The following SDK1 variants were observed in gnomAD, a reference collection of about 807,000 sequenced individuals.
SDK1 encodes sidekick cell adhesion molecule 1.
SDK1 carries 157 observed loss-of-function variants against 245.5 expected under a neutral mutation model. That is an observed-to-expected ratio of 0.64 (90% CI 0.56 to 0.73). SDK1 has a LOEUF of 0.73. Among genes scored for constraint, SDK1 ranks in the 30% least tolerant of loss-of-function variants. The probability of loss-of-function intolerance (pLI) is 0.00; values close to 1 mark genes in which losing one functional copy is unlikely to be tolerated. For synonymous variants in SDK1, 1,647 were observed against 1,278.5 expected (o/e 1.29, Z -6.15); for missense variants, 3,583 against 3,002.3 (o/e 1.19, Z -4.52).
At chr7:3,610,632 C>T (rs751405317) in intron 1 of SDK1, among the ~76,000 whole-genome samples, 6 of 152,170 alleles carry the variant, frequency 3.9e-5, no homozygotes, top group Non-Finnish European at 8.8e-5. Context: ...ATGTTTCTAC[C>T]ATCAGCTTCA....
At chr7:4,176,288 A>G (rs1782207222) in intron 34 of SDK1, among the ~76,000 whole-genome samples, 2 of 151,886 alleles carry the variant, frequency 1.3e-5, no homozygotes. Context: ...CAGCCCCCCA[A>G]GTAGCTGGGA....
At chr7:3,518,914 A>G (rs1054564817) in intron 1 of SDK1, among the ~76,000 whole-genome samples, 15 of 152,090 alleles carry the variant, frequency 9.9e-5, no homozygotes, top group Admixed American at 9.8e-4. Flanking sequence ...CAACAGATGA[A>G]TGGATAAAAA....
chr7:4,080,181 G>C (rs574393760), intron 22 of SDK1, among the ~76,000 whole-genome samples: 2 of 152,114 alleles, frequency 1.3e-5, no homozygotes, highest in East Asian at 3.9e-4. Context: ...CGGTGGCAGG[G>C]AGTGAGTCTG....
chr7:4,219,480 C>T (rs1785016094), intron 38 of SDK1, among the ~76,000 whole-genome samples: 1 of 152,212 alleles, frequency 6.6e-6, no homozygotes, highest in African/African-American at 2.4e-5. Flanking sequence ...GGCAAGAGAG[C>T]ATGTGCGGAG....
intron 4 of SDK1, among the ~76,000 whole-genome samples, chr7:3,673,280 G>A (rs1019876877): frequency 6.6e-6 from 1 of 152,148 alleles, no homozygotes. Flanking sequence ...CCATGGGGGC[G>A]GTTCATGATC....
At chr7:3,327,616 C>G (rs1223446561) in intron 1 of SDK1, among the ~76,000 whole-genome samples, 2 of 151,916 alleles carry the variant, frequency 1.3e-5, no homozygotes, top group Non-Finnish European at 2.9e-5. Context: ...TGAAAGCTGT[C>G]CAGTATAGGC....
chr7:3,813,196 G>GTAT, intron 4 of SDK1, among the ~76,000 whole-genome samples: 1 of 148,526 alleles, frequency 6.7e-6, no homozygotes, highest in Non-Finnish European at 1.5e-5. Flanking sequence ...GTGCCATGCT[G>GTAT]GTGCGCTGCA....
At chr7:3,963,093 T>G (rs1781832196) in intron 9 of SDK1, among the ~76,000 whole-genome samples, 1 of 135,330 alleles carries the variant, frequency 7.4e-6, no homozygotes, top group Non-Finnish European at 1.6e-5. Flanking sequence ...GCTACCTGGA[T>G]GTAACCAGTG....
intron 4 of SDK1, among the ~76,000 whole-genome samples, chr7:3,814,060 G>T (rs1407069766): frequency 7.9e-6 from 1 of 126,826 alleles, no homozygotes; most frequent in Non-Finnish European, 1.6e-5. Flanking sequence ...CATGTTGTAG[G>T]TTGCCTGTTC....
intron 14 of SDK1, among the ~76,000 whole-genome samples, chr7:4,009,249 C>T (rs1785746282): frequency 6.6e-6 from 1 of 152,230 alleles, no homozygotes; most frequent in Non-Finnish European, 1.5e-5. Flanking sequence ...TACCAGTTCT[C>T]TTCAGAATGA....
chr7:4,205,393 C>T (rs992530705), intron 35 of SDK1, among the ~76,000 whole-genome samples: 12 of 152,114 alleles, frequency 7.9e-5, no homozygotes, highest in African/African-American at 2.9e-4. Flanking sequence ...CCGATAGAGC[C>T]GCAGTGACCC....
At chr7:4,035,523 G>C (rs1417718956) in intron 17 of SDK1, among the ~76,000 whole-genome samples, 1 of 152,168 alleles carries the variant, frequency 6.6e-6, no homozygotes, top group African/African-American at 2.4e-5. Flanking sequence ...TGGCATGGCA[G>C]ATTTGTGTCT....
At chr7:3,422,946 A>G (rs1049126523) in intron 1 of SDK1, among the ~76,000 whole-genome samples, 1 of 152,246 alleles carries the variant, frequency 6.6e-6, no homozygotes, top group Non-Finnish European at 1.5e-5. Context: ...TATCAGAGAT[A>G]TTAATGAGCT....
At chr7:3,588,551 G>A (rs546761630) in intron 1 of SDK1, among the ~76,000 whole-genome samples, 2 of 152,258 alleles carry the variant, frequency 1.3e-5, no homozygotes, top group Non-Finnish European at 2.9e-5. Flanking sequence ...CTGCGATCCT[G>A]CAGGGTGCGT....
chr7:4,113,339 C>G lies in SDK1; in HGVS notation c.3485C>G (p.Ser1162Cys), dbSNP rs776957687. The G allele has an allele frequency of 1.2e-6, 2 of 1,614,034 alleles. No individual in the cohort carries two copies. The highest frequency in any genetic ancestry group is 1.7e-6 in the Non-Finnish European group (2 of 1,180,028). ...NIVGPSPYSP[S>C]SRVIQTLQAP... Reference sequence around the variant, plus strand: ...GTTGGGCCGAGCCCCTACAGTCCGTCTTCCCGGGTCATCCAGACCCTGCAG... The same window carrying G: ...GTTGGGCCGAGCCCCTACAGTCCGTGTTCCCGGGTCATCCAGACCCTGCAG... Residue 1162 changes from serine to cysteine, a missense_variant, in exon 24 of 45, where the codon TCT becomes TGT. By Grantham distance (112) the Ser-to-Cys change is moderately radical (BLOSUM62 -1). Coordinates refer to ENST00000404826, the MANE Select transcript of SDK1 (RefSeq NM_152744.4).
At chr7:3,679,613 G>A (rs1784034245) in intron 4 of SDK1, among the ~76,000 whole-genome samples, 1 of 152,194 alleles carries the variant, frequency 6.6e-6, no homozygotes, top group Non-Finnish European at 1.5e-5. Context: ...ACATTTCATG[G>A]AAGAGGATAT....
Position 4,267,558 on chromosome 7 carries a change from G to T in SDK1, c.*2174G>T. The T allele has an allele frequency of 2.0e-6, 2 of 985,498 alleles. No individual in the cohort carries two copies. Among genetic ancestry groups the T allele is most frequent in the Non-Finnish European group, 2.4e-6 (2 of 829,966 alleles). 61.0% of individuals were successfully genotyped at this position (985,498 alleles called of 1,614,324 possible). Reference sequence around the variant, plus strand: ...GTGAGCACTGGAATTTCTTGGAAGAGAAGCGATAAATGGAGACCATGGCCA... The same window carrying T: ...GTGAGCACTGGAATTTCTTGGAAGATAAGCGATAAATGGAGACCATGGCCA... On this transcript the variant is annotated 3_prime_UTR_variant, in exon 45 of 45. Transcript: ENST00000404826.
intron 32 of SDK1, among the ~76,000 whole-genome samples, chr7:4,173,982 A>G (rs1360255952): frequency 1.3e-5 from 2 of 152,206 alleles, no homozygotes; most frequent in African/African-American, 4.8e-5. Flanking sequence ...ACAGGGGTCA[A>G]AATGCTGATG....
chr7:3,665,686 T>G (rs1391074009), intron 4 of SDK1, among the ~76,000 whole-genome samples: 1 of 152,178 alleles, frequency 6.6e-6, no homozygotes, highest in Non-Finnish European at 1.5e-5. Context: ...CTGCAGGACA[T>G]GTCGTGCCAT....
Sources: allele counts gnomAD v4.1 joint callset (sites outside exome capture counted in the v4.1 genomes callset), GRCh38; gene constraint gnomAD v4.1.1; transcripts MANE v1.5; gene names NCBI Gene and HGNC (gene_info 2026-07-23, HGNC 2026-07-21).